The following CEP83 variants were observed in gnomAD, a reference collection of about 807,000 sequenced individuals.
CEP83 encodes the protein centrosomal protein 83, also known as centrosomal protein of 83 kDa.
In CEP83, 70 loss-of-function variants were observed where a neutral mutation model predicts 101.9. The ratio of observed to expected loss-of-function variants is 0.69; its 90% confidence interval spans 0.57 to 0.84. The LOEUF is 0.84. Ranked by LOEUF, CEP83 falls within the 40% of genes least tolerant of loss-of-function variation. The pLI is 0.00. For missense variants in CEP83, 715 were observed against 787.2 expected (o/e 0.91, Z 1.10); for synonymous variants, 264 against 267.9 (o/e 0.99, Z 0.14).
At chr12:94,352,569 A>C (rs1340407786) in intron 11 of CEP83, among the ~76,000 whole-genome samples, 1 of 152,130 alleles carries the variant, frequency 6.6e-6, no homozygotes, top group Non-Finnish European at 1.5e-5. Flanking sequence ...ACTTGGAAAG[A>C]TACAAGAGAA....
chr12:94,449,878 T>C (rs1387539168), intron 1 of CEP83, among the ~76,000 whole-genome samples: 1 of 149,506 alleles, frequency 6.7e-6, no homozygotes, highest in Non-Finnish European at 1.5e-5. Flanking sequence ...AACAATCAAT[T>C]AATATATAGC....
intron 11 of CEP83, among the ~76,000 whole-genome samples, chr12:94,346,652 G>A (rs534718811): frequency 1.2e-4 from 19 of 152,124 alleles, no homozygotes; most frequent in African/African-American, 2.2e-4. Flanking sequence ...CCTTCAACCC[G>A]CAGGATCTGA....
the CEP83 span, among the ~76,000 whole-genome samples, chr12:94,288,324 A>C: frequency 6.6e-6 from 1 of 152,200 alleles, no homozygotes. Context: ...TCTCTCAGGC[A>C]TCTGGGCTCT....
intron 11 of CEP83, among the ~76,000 whole-genome samples, chr12:94,349,977 C>T (rs2060127128): frequency 6.6e-6 from 1 of 152,102 alleles, no homozygotes; most frequent in Admixed American, 6.5e-5. Context: ...CTAAAAGACG[C>T]TGCTAACAGA....
chr12:94,412,930 G>A (rs2063996196), intron 2 of CEP83, among the ~76,000 whole-genome samples: 1 of 151,094 alleles, frequency 6.6e-6, no homozygotes, highest in Non-Finnish European at 1.5e-5. Context: ...TCGACTCACT[G>A]CAACCTCCGC....
intron 11 of CEP83, among the ~76,000 whole-genome samples, chr12:94,338,342 C>A (rs780129058): frequency 3.3e-5 from 5 of 152,066 alleles, no homozygotes; most frequent in African/African-American, 4.8e-5. Flanking sequence ...AGGTCATTAA[C>A]TGCAAGAGAT....
Position 94,315,467 on chromosome 12 carries a change from T to G in CEP83, c.1708-2450A>C, listed in dbSNP as rs1970526974. Reference sequence around the variant, plus strand: ...TACTGATTTGTAGTTCTTTATATATTCAAGATATGAATCGTATGTCAGATA... The same window carrying G: ...TACTGATTTGTAGTTCTTTATATATGCAAGATATGAATCGTATGTCAGATA... On this transcript the variant is annotated intron_variant, in intron 14 of 16. Transcript: ENST00000397809. Among the ~76,000 whole-genome samples the G allele has an allele frequency of 2.6e-5, 4 of 152,256 alleles. No individual in the cohort carries two copies. The South Asian group carries it at 6.2e-4, about 24-fold the overall frequency.
chr12:94,339,241 G>A (rs765905460), intron 11 of CEP83, among the ~76,000 whole-genome samples: 2 of 151,966 alleles, frequency 1.3e-5, no homozygotes, highest in Non-Finnish European at 2.9e-5. Flanking sequence ...ATGCTATTTC[G>A]ACATTCAACA....
chr12:94,449,023 G>GAA (rs34981223), intron 1 of CEP83, among the ~76,000 whole-genome samples: 113 of 119,970 alleles, frequency 9.4e-4, no homozygotes, highest in South Asian at 3.1e-3. Context: ...CAACAAAATC[G>GAA]AAAAAAAAAA....
chr12:94,457,783 T>C lies in CEP83; in HGVS notation c.-155+1774A>G, dbSNP rs553333479. ...ACATACTTGCTTACTTGAAAGGTTA[T>C]TGATTGAAAAGATCATTCAAAAAGT... On this transcript the variant is annotated intron_variant, in intron 1 of 16. Coordinates refer to ENST00000397809, the MANE Select transcript of CEP83 (RefSeq NM_016122.3). Among the ~76,000 whole-genome samples the C allele has an allele frequency of 1.6e-3, 250 of 152,356 alleles. 2 individuals carry two copies. Among genetic ancestry groups the C allele is most frequent in the African/African-American group, 3.3e-3 (137 of 41,592 alleles).
chr12:94,356,160 C>T (rs927797979), intron 11 of CEP83, among the ~76,000 whole-genome samples: 2 of 152,110 alleles, frequency 1.3e-5, no homozygotes, highest in Admixed American at 1.3e-4. Flanking sequence ...GGAGGACACC[C>T]GAGTACTCTT....
the CEP83 span, among the ~76,000 whole-genome samples, chr12:94,271,720 T>C: frequency 0.072 from 11,029 of 152,292 alleles, 852 homozygotes; most frequent in African/African-American, 0.19. Flanking sequence ...TCTTTCCTGG[T>C]GTGAAGTAGG....
intron 4 of CEP83, among the ~76,000 whole-genome samples, chr12:94,408,822 A>T (rs926052745): frequency 3.9e-5 from 6 of 152,044 alleles, no homozygotes; most frequent in African/African-American, 1.4e-4. Flanking sequence ...CCTAGCCTCA[A>T]GTGATCCTCC....
chr12:94,365,770 A>G lies in CEP83; in HGVS notation c.1343+2024T>C, dbSNP rs553100559. 3.2e-3 allele frequency among the ~76,000 whole-genome samples: 422 copies of G among 130,610 alleles called. 2 individuals carry two copies. Among genetic ancestry groups the G allele is most frequent in the African/African-American group, 0.013 (392 of 31,206 alleles). The allele number at this position is 130,610 out of a possible 152,430, so 85.7% of individuals were successfully genotyped here. A position where few individuals can be genotyped will look rare whatever the true frequency, so the allele number is the denominator to read the frequency against. On this transcript the variant is annotated intron_variant, in intron 11 of 16. Coordinates refer to ENST00000397809, the MANE Select transcript of CEP83 (RefSeq NM_016122.3). The stretch of plus-strand genomic sequence containing the variant: ...GGGCAACAGAGCAAGACTGTGTTTG[A>G]AAAAAAAAAAAAAAAAAAGACAAAA...
At chr12:94,452,959 G>A (rs941522515) in intron 1 of CEP83, among the ~76,000 whole-genome samples, 5 of 152,192 alleles carry the variant, frequency 3.3e-5, no homozygotes, top group South Asian at 4.1e-4. Flanking sequence ...CCTCTGTTAC[G>A]CTGCTAAACA....
At chr12:94,418,844 T>C (rs1406310816) in intron 2 of CEP83, among the ~76,000 whole-genome samples, 1 of 152,040 alleles carries the variant, frequency 6.6e-6, no homozygotes, top group Non-Finnish European at 1.5e-5. Context: ...AAGAGAAAAA[T>C]AAACCTAGCA....
intron 1 of CEP83, among the ~76,000 whole-genome samples, chr12:94,437,749 A>C (rs753630032): frequency 1.3e-5 from 2 of 152,220 alleles, no homozygotes; most frequent in African/African-American, 4.8e-5. Flanking sequence ...CTCTTGAAAC[A>C]ATCTCAAAAC....
At chr12:94,356,569 C>T (rs1483342382) in intron 11 of CEP83, among the ~76,000 whole-genome samples, 1 of 152,176 alleles carries the variant, frequency 6.6e-6, no homozygotes, top group African/African-American at 2.4e-5. Flanking sequence ...CTTGGCAGTT[C>T]CCTGTTAGAA....
chr12:94,319,622 T>A (rs1272033252), intron 14 of CEP83, among the ~76,000 whole-genome samples: 1 of 152,246 alleles, frequency 6.6e-6, no homozygotes, highest in Non-Finnish European at 1.5e-5. Context: ...TTAATTTCAT[T>A]CTTTACTCAA....
Sources: gnomAD v4.1 joint callset for allele counts (sites outside exome capture counted in the v4.1 genomes callset) on GRCh38, gnomAD v4.1.1 for gene constraint, MANE v1.5 for transcripts, NCBI Gene and HGNC (gene_info 2026-07-23, HGNC 2026-07-21) for gene names.